MICU1: variants seen among roughly 807,000 people sequenced by gnomAD.
The protein encoded by MICU1 is calcium uptake protein 1, mitochondrial.
MICU1 carries 45 observed loss-of-function variants against 56.8 expected under a neutral mutation model. The observed-to-expected ratio is 0.79, with a 90% CI of 0.62 to 1.02. The LOEUF is 1.02. Ranked by LOEUF, MICU1 falls within the 50% of genes least tolerant of loss-of-function variation. MICU1 has a pLI of 0.00. For synonymous variants in MICU1, 186 were observed against 195.1 expected, an observed-to-expected ratio of 0.95 and a Z score of 0.39; for missense variants, 504 against 587.1, an observed-to-expected ratio of 0.86 and a Z score of 1.46.
intron 1 of MICU1, among the ~76,000 whole-genome samples, chr10:72,625,781 G>A (rs112127240): frequency 0.041 from 6,209 of 152,258 alleles, 434 homozygotes; most frequent in African/African-American, 0.14. Context: ...GGGTTGGGGT[G>A]AAGGAAAGTG....
At chr10:72,588,281 G>A (rs960968446) in intron 1 of MICU1, among the ~76,000 whole-genome samples, 5 of 151,550 alleles carry the variant, frequency 3.3e-5, no homozygotes, top group East Asian at 3.9e-4. Context: ...CTGCAGAACC[G>A]TGAGTCAATT....
chr10:72,625,764 A>G (rs1842213531), intron 1 of MICU1, among the ~76,000 whole-genome samples: 1 of 152,066 alleles, frequency 6.6e-6, no homozygotes, highest in African/African-American at 2.4e-5. Flanking sequence ...GGGACGGGAG[A>G]AGGGACGGGT....
intron 5 of MICU1, chr10:72,524,135 GT>G: frequency 3.1e-6 from 1 of 322,522 alleles, no homozygotes; most frequent in Non-Finnish European, 4.5e-6. Context: ...TTTTGTTTTT[GT>G]TTTAGAGACA....
In MICU1 at chr10:72,594,241, A is replaced by G. The variant is rs549214899; in HGVS notation, c.-1-27447T>C. On this transcript the variant is annotated intron_variant, in intron 1 of 11. Transcript: ENST00000361114. ...CACATGATTTCTGACAAGAGTGTCAAGATCATTCAATGAGGGAAAGGACAA... is the reference window on the plus strand; with the variant it reads ...CACATGATTTCTGACAAGAGTGTCAGGATCATTCAATGAGGGAAAGGACAA... Among the ~76,000 whole-genome samples, 36 of 152,334 alleles carry G rather than the reference A, an allele frequency of 2.4e-4. 1 individual carries two copies. The South Asian group carries it at 4.8e-3, about 20-fold the overall frequency.
intron 3 of MICU1, among the ~76,000 whole-genome samples, chr10:72,552,621 T>C (rs1241701499): frequency 1.3e-5 from 2 of 152,192 alleles, no homozygotes; most frequent in African/African-American, 4.8e-5. Flanking sequence ...AATGCTGTGA[T>C]CTCGGCTCAC....
intron 6 of MICU1, among the ~76,000 whole-genome samples, chr10:72,486,624 A>C (rs1324582912): frequency 6.6e-6 from 1 of 152,184 alleles, no homozygotes; most frequent in East Asian, 1.9e-4. Flanking sequence ...GGCGTGAGCC[A>C]CCACATCTGG....
At chr10:72,451,024 CTTT>C (rs34430004) in intron 8 of MICU1, among the ~76,000 whole-genome samples, 9 of 115,008 alleles carry the variant, frequency 7.8e-5, no homozygotes, top group Admixed American at 3.0e-4. Context: ...TCCCTTAAAT[CTTT>C]TTTTTTTTTT....
intron 6 of MICU1, among the ~76,000 whole-genome samples, chr10:72,489,839 T>C (rs546930066): frequency 6.6e-6 from 1 of 152,310 alleles, no homozygotes; most frequent in Non-Finnish European, 1.5e-5. Flanking sequence ...ACTTGAATGA[T>C]TAGCTTGAAG....
intron 8 of MICU1, among the ~76,000 whole-genome samples, chr10:72,432,651 G>A (rs1338036240): frequency 2.0e-5 from 3 of 152,144 alleles, no homozygotes. Flanking sequence ...GAAAAGAGAG[G>A]GGGAAGGTTC....
At chr10:72,497,728 G>A (rs1282384840) in intron 6 of MICU1, among the ~76,000 whole-genome samples, 2 of 152,198 alleles carry the variant, frequency 1.3e-5, no homozygotes, top group African/African-American at 2.4e-5. Context: ...GGGTAATGAA[G>A]GGGAGACTAT....
chr10:72,536,906 C>T (rs1839651665), intron 4 of MICU1, among the ~76,000 whole-genome samples: 1 of 152,046 alleles, frequency 6.6e-6, no homozygotes, highest in South Asian at 2.1e-4. Context: ...CTGTATTAGA[C>T]AGCACAGGTT....
chr10:72,570,587 G>T (rs1840583690), intron 1 of MICU1, among the ~76,000 whole-genome samples: 1 of 152,044 alleles, frequency 6.6e-6, no homozygotes, highest in East Asian at 1.9e-4. Context: ...ACTCTTCCCT[G>T]GGACCTATAC....
chr10:72,411,396 C>T (rs1589188555), intron 9 of MICU1, among the ~76,000 whole-genome samples: 1 of 151,588 alleles, frequency 6.6e-6, no homozygotes, highest in Middle Eastern at 3.4e-3. Context: ...GGCGCGATCT[C>T]GGCTCACTGC....
At chr10:72,471,270 G>A (rs1865942639) in intron 8 of MICU1, among the ~76,000 whole-genome samples, 1 of 152,210 alleles carries the variant, frequency 6.6e-6, no homozygotes, top group South Asian at 2.1e-4. Flanking sequence ...ATTGTTAGTA[G>A]AGATGGGGTT....
intron 8 of MICU1, among the ~76,000 whole-genome samples, chr10:72,438,947 T>G (rs1016687111): frequency 1.3e-5 from 2 of 152,196 alleles, no homozygotes; most frequent in Non-Finnish European, 2.9e-5. Flanking sequence ...CCAGACGGAT[T>G]CACAGGTGAA....
intron 6 of MICU1, among the ~76,000 whole-genome samples, chr10:72,486,511 G>A (rs1374448919): frequency 6.6e-6 from 1 of 152,030 alleles, no homozygotes; most frequent in South Asian, 2.1e-4. Flanking sequence ...TCATTCTGTC[G>A]CCCAGGCTGG....
At chr10:72,492,840 G>A (rs1357166811) in intron 6 of MICU1, among the ~76,000 whole-genome samples, 1 of 99,056 alleles carries the variant, frequency 1.0e-5, no homozygotes, top group Non-Finnish European at 2.5e-5. Flanking sequence ...ATATGGGCCA[G>A]GTGTGGTGGC....
intron 8 of MICU1, among the ~76,000 whole-genome samples, chr10:72,444,851 G>C (rs1465106214): frequency 6.6e-6 from 1 of 152,200 alleles, no homozygotes; most frequent in East Asian, 1.9e-4. Flanking sequence ...TGCTTCGTTA[G>C]AAAGTCACCT....
intron 8 of MICU1, among the ~76,000 whole-genome samples, chr10:72,423,726 C>T (rs1864254179): frequency 6.6e-6 from 1 of 152,070 alleles, no homozygotes; most frequent in Non-Finnish European, 1.5e-5. Flanking sequence ...ACTGATCAGA[C>T]CCAGACTCAG....
Sources: allele counts gnomAD v4.1 joint callset (sites outside exome capture counted in the v4.1 genomes callset), GRCh38; gene constraint gnomAD v4.1.1; transcripts MANE v1.5; gene names NCBI Gene and HGNC (gene_info 2026-07-23, HGNC 2026-07-21).